Variants in CNTN5 observed in about 807,000 individuals in gnomAD.
CNTN5 encodes contactin-5.
A neutral mutation model predicts 129.1 loss-of-function variants in CNTN5; 77 were observed. The observed-to-expected ratio is 0.60, with a 90% CI of 0.50 to 0.72. The LOEUF is 0.72. CNTN5 is among the 30% of genes least tolerant of loss of function. CNTN5 has a pLI of 0.00. For synonymous variants in CNTN5, 509 were observed against 465.6 expected (o/e 1.09, Z -1.20); for missense variants, 1,478 against 1,328.8 (o/e 1.11, Z -1.75).
intron 1 of CNTN5, among the ~76,000 whole-genome samples, chr11:99,108,770 T>C (rs889618358): frequency 3.9e-5 from 6 of 152,152 alleles, no homozygotes; most frequent in Middle Eastern, 6.8e-3. Context: ...AAATCAGAAA[T>C]ATAGATTTTG....
intron 3 of CNTN5, among the ~76,000 whole-genome samples, chr11:99,565,191 C>T (rs1335217425): frequency 1.3e-5 from 2 of 152,020 alleles, no homozygotes; most frequent in African/African-American, 2.4e-5. Context: ...CCCTAGAAGC[C>T]GCCTCATAAC....
chr11:99,052,321 C>T (rs1456212717), intron 1 of CNTN5, among the ~76,000 whole-genome samples: 1 of 151,696 alleles, frequency 6.6e-6, no homozygotes, highest in Admixed American at 6.6e-5. Flanking sequence ...AACATTTCAG[C>T]CAATGACAGA....
chr11:99,537,037 A>C (rs1449715203), intron 2 of CNTN5, among the ~76,000 whole-genome samples: 2 of 152,184 alleles, frequency 1.3e-5, no homozygotes, highest in Non-Finnish European at 2.9e-5. Flanking sequence ...ATATGGACTA[A>C]GTACATTTTA....
intron 2 of CNTN5, among the ~76,000 whole-genome samples, chr11:99,376,965 C>T (rs1426016925): frequency 6.6e-6 from 1 of 152,058 alleles, no homozygotes; most frequent in African/African-American, 2.4e-5. Context: ...GTGATCTGTG[C>T]GCTGTCTTAC....
chr11:99,265,670 C>T (rs1862851106), intron 1 of CNTN5, among the ~76,000 whole-genome samples: 2 of 151,810 alleles, frequency 1.3e-5, no homozygotes, highest in African/African-American at 4.8e-5. Context: ...TTATCCAGCC[C>T]CTTCCCACCC....
At chr11:99,770,636 A>C (rs762858984) in intron 3 of CNTN5, among the ~76,000 whole-genome samples, 15 of 151,878 alleles carry the variant, frequency 9.9e-5, no homozygotes, top group Non-Finnish European at 2.1e-4. Context: ...TCAATGTCTT[A>C]GTTTGTAATG....
chr11:99,276,842 T>C lies in CNTN5; in HGVS notation c.-209-48504T>C, dbSNP rs571403413. 7.7e-4 allele frequency among the ~76,000 whole-genome samples: 117 copies of C among 151,712 alleles called. 1 individual carries two copies. Among genetic ancestry groups the C allele is most frequent in the African/African-American group, 2.7e-3 (114 of 41,494 alleles). On this transcript the variant is annotated intron_variant, in intron 1 of 24. Transcript: ENST00000524871. ...ATTTAGTCATTCTATCACTGTGAAA[T>C]ATTTTAAGTATTTCTAATTTTCTCC... is the stretch of plus-strand genomic sequence containing the variant.
In CNTN5 at chr11:99,305,514, C is replaced by T. The variant is rs142123355; in HGVS notation, c.-209-19832C>T. On this transcript the variant is annotated intron_variant, in intron 1 of 24. Transcript: ENST00000524871. ...CTTTGATGTGATATATTAAAAATGT[C>T]CTACCTTTAGGCTTTTTATATACGG... 7.0e-4 allele frequency among the ~76,000 whole-genome samples: 106 copies of T among 152,174 alleles called. No homozygotes were observed. In the East Asian group the frequency reaches 0.019, roughly 27 times the overall value.
At chr11:99,476,015 A>G (rs1390462240) in intron 2 of CNTN5, among the ~76,000 whole-genome samples, 1 of 152,044 alleles carries the variant, frequency 6.6e-6, no homozygotes, top group Non-Finnish European at 1.5e-5. Flanking sequence ...GGCCTAACAT[A>G]TCATTGACAA....
At chr11:99,857,058 C>T (rs1417534151) in intron 6 of CNTN5, among the ~76,000 whole-genome samples, 1 of 150,726 alleles carries the variant, frequency 6.6e-6, no homozygotes, top group African/African-American at 2.4e-5. Context: ...CTCCCTCCCT[C>T]TCTCCCTCCC....
chr11:99,614,089 A>T (rs1950681932), intron 3 of CNTN5, among the ~76,000 whole-genome samples: 1 of 152,240 alleles, frequency 6.6e-6, no homozygotes, highest in Admixed American at 6.5e-5. Flanking sequence ...TCTGTCAGTC[A>T]AAATAAACTT....
At chr11:99,199,905 G>A (rs1199164839) in intron 1 of CNTN5, among the ~76,000 whole-genome samples, 1 of 152,162 alleles carries the variant, frequency 6.6e-6, no homozygotes, top group Admixed American at 6.5e-5. Flanking sequence ...TAAAAGTGAA[G>A]CCTAAACTAG....
At chr11:99,574,048 C>T (rs117932217) in intron 3 of CNTN5, among the ~76,000 whole-genome samples, 1 of 152,178 alleles carries the variant, frequency 6.6e-6, no homozygotes, top group Admixed American at 6.5e-5. Context: ...AATGCTATCA[C>T]TCCCTATACC....
chr11:99,872,730 G>C (rs190600476), intron 6 of CNTN5, among the ~76,000 whole-genome samples: 1 of 152,078 alleles, frequency 6.6e-6, no homozygotes, highest in East Asian at 1.9e-4. Flanking sequence ...AAAAGCATAA[G>C]CACAAGATGG....
At chr11:99,194,529 T>G (rs974014291) in intron 1 of CNTN5, among the ~76,000 whole-genome samples, 2 of 152,210 alleles carry the variant, frequency 1.3e-5, no homozygotes, top group African/African-American at 4.8e-5. Flanking sequence ...AACCTAGATC[T>G]GGAAAGTAAG....
rs76602048 is a variant in CNTN5 at position 99,625,929 on chromosome 11, C to T, written c.55+69660C>T. 1.2e-4 allele frequency among the ~76,000 whole-genome samples: 5 copies of T among 42,676 alleles called. No individual in the cohort carries two copies. In the South Asian group the frequency reaches 2.1e-3, roughly 18 times the overall value. The allele number at this position is 42,676 out of a possible 152,430, so 28.0% of individuals were successfully genotyped here. A position where few individuals can be genotyped will look rare whatever the true frequency, so the allele number is the denominator to read the frequency against. ...ATATATATATATATATATATACACA[C>T]ACACACACACACACATAAATCTAAT... On this transcript the variant is annotated intron_variant, in intron 3 of 24. Coordinates refer to ENST00000524871, the MANE Select transcript of CNTN5 (RefSeq NM_014361.4).
intron 2 of CNTN5, among the ~76,000 whole-genome samples, chr11:99,431,669 T>C (rs181413218): frequency 2.0e-5 from 3 of 152,226 alleles, no homozygotes; most frequent in South Asian, 2.1e-4. Context: ...TGGTCACCAA[T>C]TGGTAAAAAC....
intron 2 of CNTN5, among the ~76,000 whole-genome samples, chr11:99,384,998 T>C (rs1940835842): frequency 6.6e-6 from 1 of 152,314 alleles, no homozygotes; most frequent in African/African-American, 2.4e-5. Context: ...TAAAAATCAT[T>C]CAATTCTCAA....
At chr11:99,966,410 G>C (rs1318033826) in intron 8 of CNTN5, among the ~76,000 whole-genome samples, 2 of 152,134 alleles carry the variant, frequency 1.3e-5, no homozygotes, top group Non-Finnish European at 2.9e-5. Flanking sequence ...GAGGAGAGAT[G>C]CATTACAGAG....
Sources: gnomAD v4.1 joint callset for allele counts (sites outside exome capture counted in the v4.1 genomes callset) on GRCh38, gnomAD v4.1.1 for gene constraint, MANE v1.5 for transcripts, NCBI Gene and HGNC (gene_info 2026-07-23, HGNC 2026-07-21) for gene names.